UGT1A8: variants seen among roughly 807,000 people sequenced by gnomAD.
UGT1A8 encodes the protein UDP-glucuronosyltransferase 1A8.
A neutral mutation model predicts 45.3 loss-of-function variants in UGT1A8; 39 were observed. The observed-to-expected ratio is 0.86, with a 90% CI of 0.67 to 1.12. The LOEUF is 1.12. UGT1A8 is among the 50% of genes most tolerant of loss of function. UGT1A8 has a pLI of 0.00. For synonymous variants in UGT1A8, 275 were observed against 249.2 expected, an observed-to-expected ratio of 1.10 and a Z score of -0.97; for missense variants, 719 against 664.9, an observed-to-expected ratio of 1.08 and a Z score of -0.90.
chr2:233,691,641 G>A (rs570719818), intron 1 of UGT1A8: 1 of 985,540 alleles, frequency 1.0e-6, no homozygotes, highest in South Asian at 4.7e-5. Flanking sequence ...AGCAGGCAGG[G>A]CCAGTGTGAC....
At chr2:233,666,764 A>G (rs1271389688) in intron 1 of UGT1A8, among the ~76,000 whole-genome samples, 1 of 151,350 alleles carries the variant, frequency 6.6e-6, no homozygotes, top group Non-Finnish European at 1.5e-5. Flanking sequence ...TCGTCATTTA[A>G]CCTTAGGTAT....
intron 1 of UGT1A8, among the ~76,000 whole-genome samples, chr2:233,689,088 G>A (rs1435603489): frequency 6.6e-6 from 1 of 152,160 alleles, no homozygotes; most frequent in African/African-American, 2.4e-5. Context: ...TTAGTGGCCT[G>A]TGCCCCTCCC....
chr2:233,735,838 C>T (rs1278519081), intron 1 of UGT1A8, among the ~76,000 whole-genome samples: 2 of 152,038 alleles, frequency 1.3e-5, no homozygotes, highest in Non-Finnish European at 2.9e-5. Context: ...AATATTGGCC[C>T]CCACTCTCTT....
intron 1 of UGT1A8, among the ~76,000 whole-genome samples, chr2:233,676,599 C>T (rs566895330): frequency 6.6e-6 from 1 of 152,138 alleles, no homozygotes; most frequent in Non-Finnish European, 1.5e-5. Flanking sequence ...CATCATGTCT[C>T]CTTTGTCTCC....
At chr2:233,743,869 G>C (rs763783144) in intron 1 of UGT1A8, 3 of 1,367,140 alleles carry the variant, frequency 2.2e-6, no homozygotes, top group Non-Finnish European at 2.9e-6. Context: ...TGATGGCCTC[G>C]GATGAGGCCT....
At chr2:233,693,800 C>T (rs1424958216) in intron 1 of UGT1A8, 1 of 1,614,174 alleles carries the variant, frequency 6.2e-7, no homozygotes, top group Non-Finnish European at 8.5e-7. Flanking sequence ...ATATCCTAGG[C>T]CGGTCATGCC....
intron 1 of UGT1A8, among the ~76,000 whole-genome samples, chr2:233,705,589 C>CT (rs1259652270): frequency 6.6e-6 from 1 of 152,106 alleles, no homozygotes; most frequent in Non-Finnish European, 1.5e-5. Context: ...GTTTATGGAT[C>CT]TGGGAAAGGC....
chr2:233,713,202 G>C, intron 1 of UGT1A8: 1 of 1,614,240 alleles, frequency 6.2e-7, no homozygotes, highest in South Asian at 1.1e-5. Flanking sequence ...GTACATCAAA[G>C]AAGAGAACTT....
chr2:233,654,129 G>T (rs1215188646), intron 1 of UGT1A8, among the ~76,000 whole-genome samples: 4 of 152,098 alleles, frequency 2.6e-5, no homozygotes, highest in African/African-American at 4.8e-5. Context: ...ACATAGCATA[G>T]CAAATTGTAA....
intron 1 of UGT1A8, chr2:233,671,955 C>T: frequency 6.2e-7 from 1 of 1,612,954 alleles, no homozygotes; most frequent in Non-Finnish European, 8.5e-7. Context: ...CAGGGTGGAC[C>T]AGCCCCCTTC....
chr2:233,682,138 A>G (rs1470214216), intron 1 of UGT1A8: 4 of 1,614,202 alleles, frequency 2.5e-6, no homozygotes, highest in Non-Finnish European at 3.4e-6. Flanking sequence ...GGCAACTGGG[A>G]AGATCACTGA....
chr2:233,655,585 GA>G (rs1055982510), intron 1 of UGT1A8, among the ~76,000 whole-genome samples: 7 of 152,112 alleles, frequency 4.6e-5, no homozygotes, highest in African/African-American at 1.4e-4. Flanking sequence ...AAAACTGTTA[GA>G]AAGAAGGGAA....
At chr2:233,713,112 TG>T (rs2076279205) in intron 1 of UGT1A8, 13 of 1,614,212 alleles carry the variant, frequency 8.1e-6, no homozygotes, top group Non-Finnish European at 1.1e-5. Context: ...TGGCAGCCAC[TG>T]GCTCAGCATG....
At position 233,755,093 on chromosome 2, in the gene UGT1A8, C is replaced by T. The variant is rs566230339; in HGVS notation, c.856-11941C>T. 8.2e-6 allele frequency: 11 copies of T among 1,335,068 alleles called. No individual in the cohort carries two copies. The East Asian group carries it at 3.7e-4, about 44-fold the overall frequency. The allele number at this position is 1,335,068 out of a possible 1,614,324, so 82.7% of individuals were successfully genotyped here. A position where few individuals can be genotyped will look rare whatever the true frequency, so the allele number is the denominator to read the frequency against. ...AGCGGTCATAGATATCGCGTTTCTA[C>T]GCGTCCGACAACACCTCGTAGGCCT... On this transcript the variant is annotated intron_variant, in intron 1 of 4. Transcript: ENST00000373450.
At chr2:233,718,787 G>T (rs780688906) in intron 1 of UGT1A8, 1 of 1,613,100 alleles carries the variant, frequency 6.2e-7, no homozygotes, top group South Asian at 1.1e-5. Flanking sequence ...CACAGCGTGG[G>T]GTGGACAGTC....
chr2:233,767,291 C>T (rs1383202700), intron 2 of UGT1A8, 126 bp downstream of exon 2: 1 of 1,553,770 alleles, frequency 6.4e-7, no homozygotes, highest in African/African-American at 1.4e-5. Context: ...CACTTCCCAA[C>T]TATTAATCCA....
chr2:233,727,191 G>T (rs764445830), intron 1 of UGT1A8, among the ~76,000 whole-genome samples: 1 of 152,118 alleles, frequency 6.6e-6, no homozygotes, highest in African/African-American at 2.4e-5. Flanking sequence ...CTTTGCTGGG[G>T]TGACCTCACT....
At chr2:233,663,577 A>T (rs901861530) in intron 1 of UGT1A8, among the ~76,000 whole-genome samples, 5 of 152,208 alleles carry the variant, frequency 3.3e-5, no homozygotes, top group Admixed American at 2.6e-4. Context: ...CGTAACCTCC[A>T]TCTGCATGAA....
At chr2:233,646,231 C>A (rs1400149021) in intron 1 of UGT1A8, among the ~76,000 whole-genome samples, 8 of 152,170 alleles carry the variant, frequency 5.3e-5, no homozygotes, top group African/African-American at 1.9e-4. Flanking sequence ...GGGCCCTGGG[C>A]CTGTCACACA....
Sources: allele counts gnomAD v4.1 joint callset (sites outside exome capture counted in the v4.1 genomes callset), GRCh38; gene constraint gnomAD v4.1.1; transcripts MANE v1.5; gene names NCBI Gene and HGNC (gene_info 2026-07-23, HGNC 2026-07-21).